The following RAD51B variants were observed in gnomAD, a reference collection of about 807,000 sequenced individuals.
RAD51B encodes the protein DNA repair protein RAD51 homolog 2.
In RAD51B, 38 loss-of-function variants were observed where a neutral mutation model predicts 42.2. The ratio of observed to expected loss-of-function variants is 0.90; its 90% confidence interval spans 0.70 to 1.18. The LOEUF (loss-of-function observed/expected upper bound fraction) is 1.18, where lower values mean the gene tolerates loss of function less well. RAD51B is among the 50% of genes most tolerant of loss of function. The pLI is 0.00. For synonymous variants in RAD51B, 154 were observed against 145.2 expected, an observed-to-expected ratio of 1.06 and a Z score of -0.43; for missense variants, 373 against 400.7, an observed-to-expected ratio of 0.93 and a Z score of 0.59.
chr14:67,998,355 G>A (rs2075422633), intron 7 of RAD51B, among the ~76,000 whole-genome samples: 1 of 152,154 alleles, frequency 6.6e-6, no homozygotes, highest in Admixed American at 6.5e-5. Context: ...TGAATCATCA[G>A]AATCGTCTAT....
chr14:67,910,990 G>A (rs2009191), intron 7 of RAD51B, among the ~76,000 whole-genome samples: 46,937 of 151,774 alleles, frequency 0.31, 9,922 homozygotes, highest in African/African-American at 0.6. Flanking sequence ...TTTTGTATAT[G>A]TATTTTTAGT....
intron 7 of RAD51B, among the ~76,000 whole-genome samples, chr14:68,283,367 G>A (rs1208820375): frequency 1.3e-5 from 2 of 152,204 alleles, no homozygotes; most frequent in East Asian, 3.8e-4. Flanking sequence ...CACGTACAGT[G>A]CAGCAGAAGG....
intron 7 of RAD51B, among the ~76,000 whole-genome samples, chr14:68,104,800 G>T (rs2077349281): frequency 6.6e-6 from 1 of 152,084 alleles, no homozygotes; most frequent in African/African-American, 2.4e-5. Context: ...GCTACCTAAT[G>T]AGATACTGTT....
chr14:67,925,229 G>C (rs1204669246), intron 7 of RAD51B, among the ~76,000 whole-genome samples: 1 of 152,118 alleles, frequency 6.6e-6, no homozygotes. Flanking sequence ...TTGAGTGTCT[G>C]CAGCTTTTCT....
In RAD51B at chr14:68,669,188, C is replaced by G. The variant is rs188863644; in HGVS notation, c.*11+18332C>G. ...GTTGGAAACAGTGGCCTCTTGATCT[C>G]AGAGAGAGCCAAATTAAGCTGATTT... On this transcript the variant is annotated intron_variant, in intron 11 of 11. Transcript: ENST00000488612. 2.5e-3 allele frequency among the ~76,000 whole-genome samples: 381 copies of G among 152,330 alleles called. 1 individual carries two copies. The highest frequency in any genetic ancestry group is 0.017 in the Middle Eastern group (5 of 294).
intron 7 of RAD51B, among the ~76,000 whole-genome samples, chr14:68,014,268 G>A (rs2075737911): frequency 1.3e-5 from 2 of 149,654 alleles, no homozygotes; most frequent in African/African-American, 4.9e-5. Context: ...TGTTGGACAT[G>A]CAAGCCCTGT....
chr14:68,360,454 C>T (rs2083000130), intron 8 of RAD51B, among the ~76,000 whole-genome samples: 2 of 152,264 alleles, frequency 1.3e-5, no homozygotes, highest in African/African-American at 4.8e-5. Flanking sequence ...GTGGCTAGCA[C>T]AATGCCTGTG....
At chr14:68,251,927 C>T (rs1022038506) in intron 7 of RAD51B, among the ~76,000 whole-genome samples, 22 of 152,214 alleles carry the variant, frequency 1.4e-4, no homozygotes, top group African/African-American at 5.1e-4. Context: ...CAGTCATGCA[C>T]ATCAAGATTG....
At chr14:68,025,605 G>GA (rs1391358215) in intron 7 of RAD51B, among the ~76,000 whole-genome samples, 1 of 151,016 alleles carries the variant, frequency 6.6e-6, no homozygotes, top group Non-Finnish European at 1.5e-5. Context: ...AATCTTGGGA[G>GA]ACTGTGTGTT....
At chr14:68,068,903 C>T (rs978997915) in intron 7 of RAD51B, among the ~76,000 whole-genome samples, 1 of 152,138 alleles carries the variant, frequency 6.6e-6, no homozygotes, top group African/African-American at 2.4e-5. Context: ...AAGATTCACT[C>T]ATTTTTCTTG....
intron 7 of RAD51B, among the ~76,000 whole-genome samples, chr14:68,051,608 T>C (rs936687852): frequency 3.3e-5 from 5 of 152,100 alleles, no homozygotes; most frequent in Admixed American, 2.6e-4. Context: ...ATTTTTTTTT[T>C]TTTAAGAGTC....
At chr14:67,866,798 C>T (rs2042346879) in intron 5 of RAD51B, among the ~76,000 whole-genome samples, 2 of 152,096 alleles carry the variant, frequency 1.3e-5, no homozygotes, top group African/African-American at 4.8e-5. Context: ...CTTTTTGAAT[C>T]CCCCATATTT....
chr14:67,877,566 G>A (rs1267238021), intron 5 of RAD51B, among the ~76,000 whole-genome samples: 1 of 152,064 alleles, frequency 6.6e-6, no homozygotes, highest in Non-Finnish European at 1.5e-5. Context: ...GAAGCTTTTT[G>A]TGTGTCTTCT....
intron 7 of RAD51B, among the ~76,000 whole-genome samples, chr14:67,967,616 A>C (rs1183544070): frequency 1.3e-5 from 2 of 152,230 alleles, no homozygotes; most frequent in Non-Finnish European, 2.9e-5. Context: ...CTAAAGCTCC[A>C]AAAAGATCTC....
At chr14:68,415,717 G>C (rs2084540334) in intron 9 of RAD51B, among the ~76,000 whole-genome samples, 1 of 152,154 alleles carries the variant, frequency 6.6e-6, no homozygotes, top group African/African-American at 2.4e-5. Context: ...CTTCTAGCGA[G>C]GGCTGGAAAA....
At chr14:67,873,824 A>G (rs1267317574) in intron 5 of RAD51B, among the ~76,000 whole-genome samples, 1 of 146,256 alleles carries the variant, frequency 6.8e-6, no homozygotes, top group East Asian at 1.9e-4. Flanking sequence ...CATTCTCAGT[A>G]AACTATCACA....
intron 8 of RAD51B, among the ~76,000 whole-genome samples, chr14:68,307,884 C>A (rs1220923348): frequency 6.6e-6 from 1 of 152,226 alleles, no homozygotes; most frequent in East Asian, 1.9e-4. Flanking sequence ...TTCAAACTCA[C>A]CCTCTCTGGG....
At chr14:68,611,088 A>C in exon 11 of RAD51B, 1 of 703,114 alleles carries the variant, frequency 1.4e-6, no homozygotes, top group Admixed American at 2.0e-5. Context: ...CCTTCCTGAT[A>C]CCTGATGTGG....
chr14:68,098,405 T>C (rs1261415900), intron 7 of RAD51B, among the ~76,000 whole-genome samples: 1 of 152,226 alleles, frequency 6.6e-6, no homozygotes, highest in Non-Finnish European at 1.5e-5. Flanking sequence ...GGTAGCATTA[T>C]GTGTATATTA....
Sources: allele counts gnomAD v4.1 joint callset (sites outside exome capture counted in the v4.1 genomes callset), GRCh38; gene constraint gnomAD v4.1.1; transcripts MANE v1.5; gene names NCBI Gene and HGNC (gene_info 2026-07-23, HGNC 2026-07-21).